QTMAN: variants seen among roughly 807,000 people sequenced by gnomAD.
QTMAN encodes tRNA-queuosine alpha-mannosyltransferase.
the QTMAN span, among the ~76,000 whole-genome samples, chr2:144,100,859 C>CTTTTTTTTTTTTTT: frequency 1.4e-4 from 11 of 77,912 alleles, no homozygotes; most frequent in African/African-American, 2.8e-4. Context: ...GTCTTTCTTT[C>CTTTTTTTTTTTTTT]TTTTTTTTTT....
chr2:144,187,046 C>G, the QTMAN span, among the ~76,000 whole-genome samples: 3 of 152,128 alleles, frequency 2.0e-5, no homozygotes, highest in Non-Finnish European at 4.4e-5. Context: ...AGTGACATCA[C>G]AGAAAATATT....
At chr2:144,292,103 A>G in the QTMAN span, among the ~76,000 whole-genome samples, 34 of 152,314 alleles carry the variant, frequency 2.2e-4, no homozygotes, top group South Asian at 1.7e-3. Context: ...ACTACAAACA[A>G]CAAGAGTAGT....
chr2:144,145,828 C>T, the QTMAN span: 1 of 1,009,158 alleles, frequency 9.9e-7, no homozygotes, highest in Non-Finnish European at 1.5e-6. Flanking sequence ...TCTTCCCACC[C>T]CAAGAAAAAC....
chr2:144,107,328 T>G, the QTMAN span, among the ~76,000 whole-genome samples: 58 of 152,186 alleles, frequency 3.8e-4, no homozygotes, highest in African/African-American at 1.4e-3. Flanking sequence ...GATGGTTTTT[T>G]GAAAACATCA....
At chr2:144,164,567 C>A in the QTMAN span, among the ~76,000 whole-genome samples, 6 of 152,090 alleles carry the variant, frequency 3.9e-5, no homozygotes, top group South Asian at 2.1e-4. Flanking sequence ...TTAGAAAATT[C>A]TTCTACACAT....
chr2:144,159,157 A>C, the QTMAN span, among the ~76,000 whole-genome samples: 1 of 152,100 alleles, frequency 6.6e-6, no homozygotes, highest in Non-Finnish European at 1.5e-5. Context: ...AGAACAGGTG[A>C]GACATCTTTC....
chr2:144,023,980 C>T, the QTMAN span, among the ~76,000 whole-genome samples: 4 of 152,186 alleles, frequency 2.6e-5, no homozygotes, highest in Non-Finnish European at 4.4e-5. Flanking sequence ...ACATTTAACA[C>T]TTCAGTAATG....
the QTMAN span, among the ~76,000 whole-genome samples, chr2:144,133,771 A>G: frequency 6.6e-6 from 1 of 150,960 alleles, no homozygotes; most frequent in Non-Finnish European, 1.5e-5. Context: ...AATTCTATAA[A>G]TTTTTTAATG....
chr2:144,173,817 C>T, the QTMAN span, among the ~76,000 whole-genome samples: 3 of 152,282 alleles, frequency 2.0e-5, no homozygotes, highest in East Asian at 3.9e-4. Flanking sequence ...AAGCTACTCG[C>T]ATGGGAGTGA....
At chr2:144,008,629 G>A in the QTMAN span, among the ~76,000 whole-genome samples, 4 of 151,954 alleles carry the variant, frequency 2.6e-5, no homozygotes, top group Non-Finnish European at 5.9e-5. Flanking sequence ...GTTGTGTAGG[G>A]GAAGAAATGG....
At chr2:144,025,026 C>G in the QTMAN span, among the ~76,000 whole-genome samples, 1 of 152,194 alleles carries the variant, frequency 6.6e-6, no homozygotes, top group South Asian at 2.1e-4. Context: ...TGGGACTTTT[C>G]CTATCATCCT....
chr2:144,256,218 T>G, the QTMAN span, among the ~76,000 whole-genome samples: 1 of 152,184 alleles, frequency 6.6e-6, no homozygotes, highest in Non-Finnish European at 1.5e-5. Flanking sequence ...TGTGATTTTA[T>G]GAGAAATTCG....
At chr2:144,015,317 A>G in the QTMAN span, among the ~76,000 whole-genome samples, 1 of 152,204 alleles carries the variant, frequency 6.6e-6, no homozygotes, top group Non-Finnish European at 1.5e-5. Flanking sequence ...AGTTTGGCAG[A>G]GCCCTAGGCT....
chr2:144,204,989 G>A, the QTMAN span, among the ~76,000 whole-genome samples: 2 of 107,828 alleles, frequency 1.9e-5, no homozygotes, highest in Admixed American at 1.3e-4. Flanking sequence ...ACCGGGGCCT[G>A]TTGTGGGGTG....
chr2:144,209,113 G>C, the QTMAN span, among the ~76,000 whole-genome samples: 1 of 152,146 alleles, frequency 6.6e-6, no homozygotes. Context: ...CACCTGCTGT[G>C]ATCACTCACT....
chr2:143,956,665 T>C, the QTMAN span, among the ~76,000 whole-genome samples: 2 of 152,182 alleles, frequency 1.3e-5, no homozygotes, highest in Non-Finnish European at 2.9e-5. Context: ...ACAGTGCTCA[T>C]TTTATTCATT....
the QTMAN span, among the ~76,000 whole-genome samples, chr2:144,202,765 G>A: frequency 1.3e-5 from 2 of 152,116 alleles, no homozygotes; most frequent in Non-Finnish European, 2.9e-5. Context: ...TTATCCTAGA[G>A]GTCTTTAAAG....
At chr2:144,234,472 C>T in the QTMAN span, among the ~76,000 whole-genome samples, 3 of 152,144 alleles carry the variant, frequency 2.0e-5, no homozygotes, top group Non-Finnish European at 4.4e-5. Context: ...TGAACTGTGT[C>T]AGCTCAGATC....
the QTMAN span, among the ~76,000 whole-genome samples, chr2:144,212,690 T>C: frequency 2.0e-5 from 3 of 152,212 alleles, no homozygotes; most frequent in East Asian, 1.9e-4. Context: ...ATATTTCAGA[T>C]AAATTTTAAT....
Sources: allele counts gnomAD v4.1 joint callset (sites outside exome capture counted in the v4.1 genomes callset), GRCh38; gene constraint gnomAD v4.1.1; transcripts MANE v1.5; gene names NCBI Gene and HGNC (gene_info 2026-07-23, HGNC 2026-07-21).